The following IMMP2L variants were observed in gnomAD, a reference collection of about 807,000 sequenced individuals.
The protein encoded by IMMP2L is inner mitochondrial membrane peptidase subunit 2, also known as mitochondrial inner membrane protease subunit 2.
A neutral mutation model predicts 19.3 loss-of-function variants in IMMP2L; 18 were observed. The observed-to-expected ratio is 0.93, with a 90% confidence interval of 0.64 to 1.38. The LOEUF is 1.38. Ranked by LOEUF, IMMP2L falls within the 40% of genes most tolerant of loss-of-function variation. The pLI is 0.00. For missense variants in IMMP2L, 233 were observed against 218.2 expected, an observed-to-expected ratio of 1.07 and a Z score of -0.43; for synonymous variants, 76 against 73.0, an observed-to-expected ratio of 1.04 and a Z score of -0.21.
At chr7:111,049,151 G>T (rs1792754709) in intron 3 of IMMP2L, among the ~76,000 whole-genome samples, 1 of 108,172 alleles carries the variant, frequency 9.2e-6, no homozygotes, top group Non-Finnish European at 1.7e-5. Flanking sequence ...TTTTTTTTGG[G>T]ACGGAGTCTC....
At chr7:111,062,240 G>T (rs1442214169) in intron 3 of IMMP2L, among the ~76,000 whole-genome samples, 1 of 152,158 alleles carries the variant, frequency 6.6e-6, no homozygotes, top group Non-Finnish European at 1.5e-5. Flanking sequence ...TGAAAGGCAT[G>T]TCTCACATGG....
At chr7:110,949,168 G>A (rs1417156210) in intron 4 of IMMP2L, among the ~76,000 whole-genome samples, 1 of 152,072 alleles carries the variant, frequency 6.6e-6, no homozygotes, top group Non-Finnish European at 1.5e-5. Context: ...AATCACATGA[G>A]CCAATTCTCC....
chr7:111,106,654 TTAAGA>T (rs1034630724), intron 3 of IMMP2L, among the ~76,000 whole-genome samples: 2 of 147,662 alleles, frequency 1.4e-5, no homozygotes, highest in South Asian at 2.3e-4. Context: ...ATAAATAATA[TTAAGA>T]TAACAGGAAT....
chr7:110,745,774 C>A (rs1251785749), intron 5 of IMMP2L, among the ~76,000 whole-genome samples: 1 of 152,164 alleles, frequency 6.6e-6, no homozygotes, highest in Non-Finnish European at 1.5e-5. Context: ...AAAGGAACAA[C>A]CAGCACCAGC....
At chr7:111,318,445 T>C (rs1301270550) in intron 3 of IMMP2L, among the ~76,000 whole-genome samples, 1 of 152,136 alleles carries the variant, frequency 6.6e-6, no homozygotes, top group Admixed American at 6.6e-5. Flanking sequence ...AAGGAAGATC[T>C]GGGAAGCAAC....
chr7:111,552,669 T>C (rs1034293563), intron 1 of IMMP2L, among the ~76,000 whole-genome samples: 1 of 152,156 alleles, frequency 6.6e-6, no homozygotes. Flanking sequence ...CAATCCTATG[T>C]CAGGTAGAGA....
At position 111,429,516 on chromosome 7, in the gene IMMP2L, T is replaced by C. The variant is rs904735713; in HGVS notation, c.239+57722A>G. On this transcript the variant is annotated intron_variant, in intron 3 of 5. Transcript: ENST00000405709. Reference sequence around the variant, plus strand: ...CTGAATTCAACAGCAGGATAATACCTGTCCACTATGTAATAAAGGCACTAA... The same window carrying C: ...CTGAATTCAACAGCAGGATAATACCCGTCCACTATGTAATAAAGGCACTAA... Among the ~76,000 whole-genome samples, 16 of 151,566 alleles carry C rather than the reference T, an allele frequency of 1.1e-4. 1 individual carries two copies. Among genetic ancestry groups the C allele is most frequent in the African/African-American group, 2.9e-4 (12 of 40,942 alleles).
At chr7:111,125,495 A>G (rs1224820303) in intron 3 of IMMP2L, 1 of 166,610 alleles carries the variant, frequency 6.0e-6, no homozygotes, top group African/African-American at 2.4e-5. Context: ...AAAGTTTTTA[A>G]AAGGTGTTTT....
intron 2 of IMMP2L, among the ~76,000 whole-genome samples, chr7:111,499,422 C>G (rs1843928072): frequency 6.6e-6 from 1 of 152,104 alleles, no homozygotes; most frequent in Admixed American, 6.6e-5. Context: ...AAGGTCTCCT[C>G]AGATGTTTGC....
intron 5 of IMMP2L, among the ~76,000 whole-genome samples, chr7:110,718,506 C>A (rs1299636397): frequency 6.6e-6 from 1 of 151,686 alleles, no homozygotes; most frequent in Non-Finnish European, 1.5e-5. Flanking sequence ...AGTATAAAAA[C>A]CAAAAAATAA....
At chr7:111,180,477 A>G (rs891557239) in intron 3 of IMMP2L, among the ~76,000 whole-genome samples, 1 of 152,004 alleles carries the variant, frequency 6.6e-6, no homozygotes, top group Non-Finnish European at 1.5e-5. Flanking sequence ...GGTGCCCTGA[A>G]ACAGTTACAA....
intron 1 of IMMP2L, among the ~76,000 whole-genome samples, chr7:111,525,569 A>T (rs961959318): frequency 6.6e-6 from 1 of 152,112 alleles, no homozygotes; most frequent in South Asian, 2.1e-4. Flanking sequence ...TAGTTGGAGT[A>T]GCATGATAGT....
chr7:110,926,025 T>G (rs1814813916), intron 4 of IMMP2L, among the ~76,000 whole-genome samples: 1 of 152,030 alleles, frequency 6.6e-6, no homozygotes, highest in South Asian at 2.1e-4. Flanking sequence ...ATACTAATGA[T>G]GAAAAGTCAA....
intron 3 of IMMP2L, among the ~76,000 whole-genome samples, chr7:111,035,688 G>GA (rs1364262056): frequency 3.5e-4 from 53 of 152,224 alleles, no homozygotes; most frequent in African/African-American, 1.3e-3. Context: ...TCAATAAGAA[G>GA]AAAGTTCCAG....
intron 3 of IMMP2L, among the ~76,000 whole-genome samples, chr7:111,223,346 T>C (rs1203378852): frequency 6.6e-6 from 1 of 152,004 alleles, no homozygotes; most frequent in Non-Finnish European, 1.5e-5. Context: ...GGATATATGT[T>C]ATTATTCTCT....
chr7:111,208,260 A>C (rs1810938352), intron 3 of IMMP2L, among the ~76,000 whole-genome samples: 1 of 152,190 alleles, frequency 6.6e-6, no homozygotes, highest in Admixed American at 6.5e-5. Flanking sequence ...AGAACAACAA[A>C]GTGAAAATTT....
intron 3 of IMMP2L, among the ~76,000 whole-genome samples, chr7:111,380,376 G>C (rs956405885): frequency 6.6e-6 from 1 of 151,878 alleles, no homozygotes; most frequent in African/African-American, 2.4e-5. Flanking sequence ...CAAGCTAATC[G>C]TGTGATCCTC....
intron 3 of IMMP2L, among the ~76,000 whole-genome samples, chr7:111,464,747 G>A (rs1840454899): frequency 6.6e-6 from 1 of 151,970 alleles, no homozygotes; most frequent in Admixed American, 6.6e-5. Context: ...CCAATCAAAT[G>A]TATGCTGGGA....
intron 5 of IMMP2L, among the ~76,000 whole-genome samples, chr7:110,836,401 T>C (rs1021958631): frequency 6.6e-6 from 1 of 152,282 alleles, no homozygotes; most frequent in South Asian, 2.1e-4. Flanking sequence ...AATTGAATGA[T>C]AGAGGTAGGT....
Sources: allele counts gnomAD v4.1 joint callset (sites outside exome capture counted in the v4.1 genomes callset), GRCh38; gene constraint gnomAD v4.1.1; transcripts MANE v1.5; gene names NCBI Gene and HGNC (gene_info 2026-07-23, HGNC 2026-07-21).